The following LDAH variants were observed in gnomAD, a reference collection of about 807,000 sequenced individuals.
The protein encoded by LDAH is lipid droplet associated hydrolase, also known as lipid droplet-associated hydrolase.
A neutral mutation model predicts 29.6 loss-of-function variants in LDAH; 26 were observed. The observed-to-expected ratio is 0.88, with a 90% CI of 0.64 to 1.22. The LOEUF is 1.22. LDAH is among the 50% of genes most tolerant of loss of function. The pLI is 0.00. For synonymous variants in LDAH, 117 were observed against 133.0 expected, an observed-to-expected ratio of 0.88 and a Z score of 0.83; for missense variants, 344 against 387.3, an observed-to-expected ratio of 0.89 and a Z score of 0.94.
chr2:20,685,042 C>A lies in LDAH; in HGVS notation c.*1861G>T. 8.1e-7 allele frequency: 1 copy of A among 1,227,764 alleles called. No homozygotes were observed. The highest frequency in any genetic ancestry group is 1.1e-6 in the Non-Finnish European group (1 of 917,950). 76.1% of individuals were successfully genotyped at this position (1,227,764 alleles called of 1,614,324 possible). On this transcript the variant is annotated 3_prime_UTR_variant, in exon 7 of 7. Coordinates refer to ENST00000237822, the MANE Select transcript of LDAH (RefSeq NM_021925.4). ...CTCTTGCCCAACACAGAGATCAGGC[C>A]AGACCAGGTCAGAAATGCTGGTAAA...
chr2:20,820,596 C>T (rs367582458), intron 1 of LDAH, among the ~76,000 whole-genome samples: 1 of 151,166 alleles, frequency 6.6e-6, no homozygotes, highest in Non-Finnish European at 1.5e-5. Flanking sequence ...CTTCCTTACA[C>T]CTTATACAAA....
At chr2:20,712,283 C>A (rs576961608) in intron 5 of LDAH, among the ~76,000 whole-genome samples, 5 of 152,150 alleles carry the variant, frequency 3.3e-5, no homozygotes, top group Non-Finnish European at 7.3e-5. Flanking sequence ...AACAGACCTG[C>A]GGCTGAGAGA....
At chr2:20,788,792 T>C (rs780831625) in intron 3 of LDAH, 9 of 237,698 alleles carry the variant, frequency 3.8e-5, no homozygotes, top group Non-Finnish European at 6.6e-5. Flanking sequence ...TTTGAAAGTG[T>C]CCTTCAACTC....
rs753135959 is a variant in LDAH, at chr2:20,687,091, T to C, written c.790A>G (p.Thr264Ala). ...GGATCTATAGTACCATAATAAAATG[T>C]AAGCTGAAAGACAAGACAAAAACCT... ...ETIKEHLCKL[T>A]FYYGTIDPWC... Residue 264 changes from threonine to alanine, a missense_variant, in exon 7 of 7, where the codon ACA becomes GCA. Coordinates refer to ENST00000237822, the MANE Select transcript of LDAH (RefSeq NM_021925.4). The C allele has an allele frequency of 5.0e-6, 8 of 1,602,560 alleles. No individual in the cohort carries two copies. Among genetic ancestry groups the C allele is most frequent in the Non-Finnish European group, 6.8e-6 (8 of 1,175,030 alleles).
At chr2:20,792,232 C>T (rs564656178) in intron 2 of LDAH, among the ~76,000 whole-genome samples, 1 of 152,130 alleles carries the variant, frequency 6.6e-6, no homozygotes, top group African/African-American at 2.4e-5. Context: ...TCTTACGTTG[C>T]TCATAGATTT....
intron 6 of LDAH, among the ~76,000 whole-genome samples, chr2:20,690,495 T>A (rs1416036025): frequency 6.6e-6 from 1 of 152,206 alleles, no homozygotes; most frequent in East Asian, 1.9e-4. Flanking sequence ...GGCTATATAT[T>A]CTCTAAAGGG....
chr2:20,697,577 C>A (rs1663581890), intron 6 of LDAH, among the ~76,000 whole-genome samples: 1 of 152,142 alleles, frequency 6.6e-6, no homozygotes, highest in Admixed American at 6.5e-5. Context: ...TGACTGTCAC[C>A]CTGTTACTCC....
intron 4 of LDAH, among the ~76,000 whole-genome samples, chr2:20,742,029 T>C (rs1667215131): frequency 6.6e-6 from 1 of 152,232 alleles, no homozygotes; most frequent in African/African-American, 2.4e-5. Context: ...TCATTTTCAT[T>C]TAGTTCAAAA....
At chr2:20,796,987 C>A (rs1031152218) in intron 2 of LDAH, among the ~76,000 whole-genome samples, 3 of 152,138 alleles carry the variant, frequency 2.0e-5, no homozygotes, top group African/African-American at 7.2e-5. Flanking sequence ...TATCCCTTCT[C>A]GAGTTTAAGA....
At chr2:20,774,781 C>G in intron 4 of LDAH, 29 bp downstream of exon 4, 2 of 1,610,658 alleles carry the variant, frequency 1.2e-6, no homozygotes, top group Non-Finnish European at 1.7e-6. Context: ...CAGTCCAGCA[C>G]CCACAGTTAC....
At chr2:20,696,355 G>T (rs1355205502) in intron 6 of LDAH, among the ~76,000 whole-genome samples, 1 of 152,188 alleles carries the variant, frequency 6.6e-6, no homozygotes, top group South Asian at 2.1e-4. Context: ...TCCTGTTCTT[G>T]AGGACACTTG....
intron 6 of LDAH, among the ~76,000 whole-genome samples, chr2:20,689,990 T>C (rs147198111): frequency 2.6e-5 from 4 of 152,252 alleles, no homozygotes; most frequent in African/African-American, 9.6e-5. Flanking sequence ...AAAGCGTCAC[T>C]GTACGCACCG....
chr2:20,769,407 C>A (rs1000108931), intron 4 of LDAH, among the ~76,000 whole-genome samples: 2 of 152,174 alleles, frequency 1.3e-5, no homozygotes, highest in Non-Finnish European at 2.9e-5. Context: ...ATTTCCTATT[C>A]TTCTCCCTCC....
chr2:20,686,947 C>T lies in LDAH; in HGVS notation c.934G>A (p.Asp312Asn). The T allele has an allele frequency of 6.2e-7, 1 of 1,614,062 alleles. No homozygotes were observed. Among genetic ancestry groups the T allele is most frequent in the Non-Finnish European group, 8.5e-7 (1 of 1,179,980 alleles). The change falls in exon 7 of 7, where the codon GAC becomes AAC. Residue 312 changes from aspartate (D) to asparagine (N), a missense_variant. Transcript: ENST00000237822. ...TCCTTTAGGGAGTCAGCAATCATGTCTGCCATTTCCTGGTTAAAATGGGTG... is the reference window on the plus strand; with the variant it reads ...TCCTTTAGGGAGTCAGCAATCATGTTTGCCATTTCCTGGTTAAAATGGGTG... ...FITHFNQEMA[D>N]MIADSLKDDL...
intron 4 of LDAH, among the ~76,000 whole-genome samples, chr2:20,764,223 A>C (rs1299987591): frequency 1.3e-5 from 2 of 152,242 alleles, no homozygotes; most frequent in Admixed American, 1.3e-4. Context: ...ATACTTAAAT[A>C]AATGCATAAG....
chr2:20,768,203 G>C (rs1334308233), intron 4 of LDAH, among the ~76,000 whole-genome samples: 1 of 152,178 alleles, frequency 6.6e-6, no homozygotes, highest in Non-Finnish European at 1.5e-5. Flanking sequence ...CACAAACAAA[G>C]CTGAAACATG....
At chr2:20,789,908 C>T (rs778264563) in intron 3 of LDAH, among the ~76,000 whole-genome samples, 1 of 152,148 alleles carries the variant, frequency 6.6e-6, no homozygotes, top group South Asian at 2.1e-4. Context: ...TTGTCTTCCA[C>T]AAAACTGGTT....
At chr2:20,705,937 G>T (rs181685069) in intron 5 of LDAH, among the ~76,000 whole-genome samples, 71 of 152,334 alleles carry the variant, frequency 4.7e-4, no homozygotes, top group African/African-American at 1.6e-3. Context: ...AACTTTCTGT[G>T]ATGGTGGAAA....
At chr2:20,785,118 A>C (rs1255435548) in intron 3 of LDAH, among the ~76,000 whole-genome samples, 1 of 152,176 alleles carries the variant, frequency 6.6e-6, no homozygotes, top group African/African-American at 2.4e-5. Flanking sequence ...AAGAAAAATA[A>C]ACTTTTTAAA....
Sources: allele counts gnomAD v4.1 joint callset (sites outside exome capture counted in the v4.1 genomes callset), GRCh38; gene constraint gnomAD v4.1.1; transcripts MANE v1.5; gene names NCBI Gene and HGNC (gene_info 2026-07-23, HGNC 2026-07-21).